Variants in ASNS observed in about 807,000 individuals in gnomAD.
The protein encoded by ASNS is asparagine synthetase (glutamine-hydrolyzing).
In ASNS, 37 loss-of-function variants were observed where a neutral mutation model predicts 62.6. The ratio of observed to expected loss-of-function variants is 0.59; its 90% CI spans 0.45 to 0.78. The LOEUF (loss-of-function observed/expected upper bound fraction) is 0.78, where lower values mean the gene tolerates loss of function less well. ASNS is among the 30% of genes least tolerant of loss of function. The pLI, the probability that ASNS is intolerant of heterozygous loss-of-function variation, is 0.00. For synonymous variants in ASNS, 207 were observed against 237.9 expected (o/e 0.87, Z 1.19); for missense variants, 520 against 682.4 (o/e 0.76, Z 2.65).
At chr7:97,862,413 G>A (rs1198708348) in intron 4 of ASNS, among the ~76,000 whole-genome samples, 2 of 152,202 alleles carry the variant, frequency 1.3e-5, no homozygotes, top group Non-Finnish European at 2.9e-5. Flanking sequence ...AAGGCAAAGT[G>A]AGAGAGAAAG....
chr7:97,855,619 A>G (rs1167569058), intron 8 of ASNS, among the ~76,000 whole-genome samples, 160 bp from the exon 9 acceptor site: 3 of 152,226 alleles, frequency 2.0e-5, no homozygotes, highest in African/African-American at 7.2e-5. Flanking sequence ...TTTATAAGCC[A>G]TTTATATGTA....
the ASNS span, among the ~76,000 whole-genome samples, chr7:97,911,065 A>G: frequency 1.3e-5 from 2 of 152,218 alleles, no homozygotes; most frequent in Admixed American, 1.3e-4. Flanking sequence ...TTGATCTTAG[A>G]GGATATTAAG....
the ASNS span, among the ~76,000 whole-genome samples, chr7:97,917,409 A>C: frequency 6.6e-6 from 1 of 152,198 alleles, no homozygotes; most frequent in Non-Finnish European, 1.5e-5. Flanking sequence ...GAGGGTTCCC[A>C]CACTTGCACA....
the ASNS span, among the ~76,000 whole-genome samples, chr7:97,920,627 C>T: frequency 6.6e-6 from 1 of 152,190 alleles, no homozygotes; most frequent in African/African-American, 2.4e-5. Flanking sequence ...ATACAGGGCT[C>T]TCAGAGGCCC....
the ASNS span, among the ~76,000 whole-genome samples, chr7:97,892,753 A>G: frequency 6.6e-6 from 1 of 152,318 alleles, no homozygotes; most frequent in South Asian, 2.1e-4. Context: ...CAAGTTCCTC[A>G]TTTCCATCTG....
chr7:97,891,301 T>G, the ASNS span, among the ~76,000 whole-genome samples: 8 of 152,160 alleles, frequency 5.3e-5, no homozygotes, highest in African/African-American at 1.9e-4. Flanking sequence ...CATGACTCAA[T>G]TACTTCCCAC....
At chr7:97,897,807 T>C in the ASNS span, among the ~76,000 whole-genome samples, 2 of 152,188 alleles carry the variant, frequency 1.3e-5, no homozygotes, top group African/African-American at 2.4e-5. Flanking sequence ...TGTACCCCCA[T>C]ATTTACTGCA....
intron 3 of ASNS, among the ~76,000 whole-genome samples, chr7:97,868,603 G>C (rs1488265891): frequency 6.6e-6 from 1 of 151,814 alleles, no homozygotes; most frequent in African/African-American, 2.4e-5. Context: ...CTAGGTGCTT[G>C]TTGTTCTGTT....
At chr7:97,903,373 C>G in the ASNS span, among the ~76,000 whole-genome samples, 2 of 151,862 alleles carry the variant, frequency 1.3e-5, no homozygotes, top group African/African-American at 4.8e-5. Context: ...GAGATCCCCA[C>G]AAAGCTGAGA....
the ASNS span, among the ~76,000 whole-genome samples, chr7:97,893,253 C>T: frequency 1.3e-5 from 2 of 152,258 alleles, no homozygotes; most frequent in Non-Finnish European, 2.9e-5. Context: ...TCAACTACTT[C>T]CCACTGGATC....
chr7:97,907,877 A>T, the ASNS span, among the ~76,000 whole-genome samples: 2 of 152,206 alleles, frequency 1.3e-5, no homozygotes, highest in African/African-American at 4.8e-5. Flanking sequence ...TTGCCCAATT[A>T]AAATAGGCAA....
chr7:97,918,524 C>A, the ASNS span, among the ~76,000 whole-genome samples: 1 of 150,308 alleles, frequency 6.7e-6, no homozygotes, highest in Admixed American at 6.6e-5. Flanking sequence ...CAGGTTCCAA[C>A]GTGAGACAAT....
chr7:97,901,343 A>G, the ASNS span, among the ~76,000 whole-genome samples: 1 of 152,152 alleles, frequency 6.6e-6, no homozygotes, highest in African/African-American at 2.4e-5. Context: ...CTACATGTGC[A>G]TGCCACCATG....
the ASNS span, chr7:97,908,569 T>C: frequency 6.6e-6 from 1 of 152,040 alleles, no homozygotes; most frequent in Non-Finnish European, 1.5e-5. Context: ...GCCTGGCTAA[T>C]TTTTATATTT....
chr7:97,905,699 C>G, the ASNS span, among the ~76,000 whole-genome samples: 1 of 152,184 alleles, frequency 6.6e-6, no homozygotes, highest in Admixed American at 6.5e-5. Flanking sequence ...TTCTCCTTTT[C>G]CAAGCTACCT....
the ASNS span, among the ~76,000 whole-genome samples, chr7:97,894,655 C>T: frequency 6.6e-6 from 1 of 152,042 alleles, no homozygotes; most frequent in South Asian, 2.1e-4. Context: ...ACATACACAG[C>T]CTACCAAGAT....
chr7:97,922,935 G>T, the ASNS span, among the ~76,000 whole-genome samples: 1 of 152,064 alleles, frequency 6.6e-6, no homozygotes, highest in East Asian at 1.9e-4. Flanking sequence ...GGGATTACAG[G>T]TGTGTGCCAT....
chr7:97,883,649 C>T, the ASNS span, among the ~76,000 whole-genome samples: 1 of 152,144 alleles, frequency 6.6e-6, no homozygotes, highest in Non-Finnish European at 1.5e-5. Flanking sequence ...GCATCCAAAC[C>T]GATCACTCGC....
At chr7:97,862,324 T>C (rs1248379982) in intron 4 of ASNS, among the ~76,000 whole-genome samples, 1 of 152,078 alleles carries the variant, frequency 6.6e-6, no homozygotes, top group African/African-American at 2.4e-5. Context: ...GAACTATAAA[T>C]GTATACTGCT....
Sources: gnomAD v4.1 joint callset for allele counts (sites outside exome capture counted in the v4.1 genomes callset) on GRCh38, gnomAD v4.1.1 for gene constraint, MANE v1.5 for transcripts, NCBI Gene and HGNC (gene_info 2026-07-23, HGNC 2026-07-21) for gene names.